The following LEF1 variants were observed in gnomAD, a reference collection of about 807,000 sequenced individuals.
LEF1 encodes lymphoid enhancer binding factor 1.
A neutral mutation model predicts 51.2 loss-of-function variants in LEF1; 14 were observed. That is an observed-to-expected ratio of 0.27 (90% CI 0.18 to 0.43). The LOEUF is 0.43. Ranked by LOEUF, LEF1 falls within the 20% of genes least tolerant of loss-of-function variation. LEF1 has a pLI of 1.00. For missense variants in LEF1, 386 were observed against 512.0 expected, an observed-to-expected ratio of 0.75 and a Z score of 2.37; for synonymous variants, 185 against 183.2, an observed-to-expected ratio of 1.01 and a Z score of -0.08.
chr4:108,055,304 T>C (rs1409418398), intron 11 of LEF1, among the ~76,000 whole-genome samples: 1 of 152,240 alleles, frequency 6.6e-6, no homozygotes, highest in African/African-American at 2.4e-5. Context: ...TTCCATGTTA[T>C]TTGGGGTCAT....
intron 8 of LEF1, 33 bp from the exon 9 acceptor site, chr4:108,070,803 A>C (rs1381408050): frequency 1.4e-6 from 2 of 1,432,480 alleles, no homozygotes; most frequent in East Asian, 4.6e-5. Flanking sequence ...AAAAAACAAA[A>C]GTAAGCAAAA....
At chr4:108,069,540 A>G (rs566375690) in intron 9 of LEF1, among the ~76,000 whole-genome samples, 6 of 152,372 alleles carry the variant, frequency 3.9e-5, no homozygotes, top group African/African-American at 1.4e-4. Flanking sequence ...GTACGATAAC[A>G]TGAAAAAAGA....
chr4:108,064,677 ACACAC>A (rs1304292919), intron 9 of LEF1, among the ~76,000 whole-genome samples: 4 of 61,798 alleles, frequency 6.5e-5, no homozygotes, highest in Non-Finnish European at 1.5e-4. Context: ...ACACACACAC[ACACAC>A]ACACACACAC....
chr4:108,121,538 G>A (rs71623645), intron 3 of LEF1, among the ~76,000 whole-genome samples: 1,786 of 152,180 alleles, frequency 0.012, 13 homozygotes, highest in Non-Finnish European at 0.019. Flanking sequence ...TCAGTATTTC[G>A]GGCATTACAG....
intron 5 of LEF1, among the ~76,000 whole-genome samples, chr4:108,082,498 G>A (rs1421885952): frequency 6.6e-6 from 1 of 152,162 alleles, no homozygotes; most frequent in Non-Finnish European, 1.5e-5. Flanking sequence ...ATAATGCAAG[G>A]ATGTCCAGGT....
At chr4:108,073,109 G>A (rs1458120563) in intron 8 of LEF1, among the ~76,000 whole-genome samples, 1 of 152,196 alleles carries the variant, frequency 6.6e-6, no homozygotes, top group Non-Finnish European at 1.5e-5. Context: ...TTTATGGTAG[G>A]GTGCAGTGGC....
chr4:108,125,987 G>A (rs752893398), intron 3 of LEF1, among the ~76,000 whole-genome samples: 1 of 152,074 alleles, frequency 6.6e-6, no homozygotes, highest in Admixed American at 6.5e-5. Context: ...CAATGTTTAA[G>A]TACTTAGATG....
chr4:108,154,771 AC>A (rs1744587790), intron 3 of LEF1, among the ~76,000 whole-genome samples: 1 of 152,156 alleles, frequency 6.6e-6, no homozygotes, highest in African/African-American at 2.4e-5. Flanking sequence ...AGATGATATG[AC>A]CATAATTATT....
intron 3 of LEF1, among the ~76,000 whole-genome samples, chr4:108,110,344 T>C (rs1463964689): frequency 6.6e-6 from 1 of 152,218 alleles, no homozygotes; most frequent in African/African-American, 2.4e-5. Context: ...TCAAACATGA[T>C]ACATTGCAGG....
chr4:108,119,549 T>G (rs549528364), intron 3 of LEF1, among the ~76,000 whole-genome samples: 2 of 152,166 alleles, frequency 1.3e-5, no homozygotes, highest in African/African-American at 4.8e-5. Context: ...AGTCCCACTG[T>G]AAGGCAAAAG....
At chr4:108,154,105 ATTTCT>A (rs1744532769) in intron 3 of LEF1, among the ~76,000 whole-genome samples, 1 of 152,142 alleles carries the variant, frequency 6.6e-6, no homozygotes, top group Non-Finnish European at 1.5e-5. Context: ...TGCTTTTTAA[ATTTCT>A]TTTTATTTTA....
intron 3 of LEF1, among the ~76,000 whole-genome samples, chr4:108,115,231 T>C (rs762882336): frequency 6.6e-5 from 10 of 152,188 alleles, no homozygotes; most frequent in African/African-American, 1.9e-4. Context: ...CAGAGATCAA[T>C]AGACACAACT....
intron 11 of LEF1, among the ~76,000 whole-genome samples, chr4:108,063,113 A>G (rs898400940): frequency 3.3e-5 from 5 of 152,232 alleles, no homozygotes; most frequent in African/African-American, 4.8e-5. Flanking sequence ...ATTAAATAAT[A>G]GAAAAAATAT....
chr4:108,073,473 A>G (rs984583570), intron 8 of LEF1, among the ~76,000 whole-genome samples: 1 of 152,160 alleles, frequency 6.6e-6, no homozygotes, highest in Non-Finnish European at 1.5e-5. Context: ...ACCAATAAGG[A>G]AAAAAATTAG....
intron 3 of LEF1, among the ~76,000 whole-genome samples, chr4:108,118,867 A>T (rs953627436): frequency 3.3e-5 from 5 of 152,086 alleles, no homozygotes; most frequent in Non-Finnish European, 7.4e-5. Context: ...TTTGTTTTAC[A>T]TAATTTGTTG....
chr4:108,074,657 G>A (rs1263067787), intron 8 of LEF1, among the ~76,000 whole-genome samples: 2 of 152,208 alleles, frequency 1.3e-5, no homozygotes, highest in Admixed American at 6.5e-5. Flanking sequence ...TGCCCTGCCA[G>A]AGGGGAGTTA....
chr4:108,132,379 C>A (rs1005587509), intron 3 of LEF1, among the ~76,000 whole-genome samples: 12 of 152,104 alleles, frequency 7.9e-5, no homozygotes, highest in Non-Finnish European at 1.5e-4. Flanking sequence ...CAATTAGAAT[C>A]CCTTTTTCCT....
intron 3 of LEF1, among the ~76,000 whole-genome samples, chr4:108,147,440 C>A (rs1036120425): frequency 6.6e-6 from 1 of 152,178 alleles, no homozygotes; most frequent in African/African-American, 2.4e-5. Context: ...TCTCTCACCA[C>A]TACACAGAGG....
In LEF1 at chr4:108,068,266, TCAAAA is replaced by T. The variant is rs373744253; in HGVS notation, c.1116+2392_1116+2396del. Among the ~76,000 whole-genome samples the T allele has an allele frequency of 4.6e-3, 703 of 151,688 alleles. 2 individuals carry two copies. Among genetic ancestry groups the T allele is most frequent in the African/African-American group, 0.014 (559 of 41,216 alleles). ...TGGGCAACAAGAGCGAATCTCTGTC[TCAAAA>T]CAAAACAAAACAAAACAAAACAAAA... On this transcript the variant is annotated intron_variant, in intron 9 of 11. Coordinates refer to ENST00000265165, the MANE Select transcript of LEF1 (RefSeq NM_016269.5).
Sources: gnomAD v4.1 joint callset for allele counts (sites outside exome capture counted in the v4.1 genomes callset) on GRCh38, gnomAD v4.1.1 for gene constraint, MANE v1.5 for transcripts, NCBI Gene and HGNC (gene_info 2026-07-23, HGNC 2026-07-21) for gene names.